The following ITPR2 variants were observed in gnomAD, a reference collection of about 807,000 sequenced individuals.
ITPR2 encodes the protein inositol 1,4,5-trisphosphate receptor type 2, also known as inositol 1,4,5-trisphosphate-gated calcium channel ITPR2.
Under a neutral mutation model 317.1 loss-of-function variants are expected in ITPR2, and 207 were observed. That is an observed-to-expected ratio of 0.65 (90% CI 0.58 to 0.73). The LOEUF (loss-of-function observed/expected upper bound fraction) is 0.73, where lower values mean the gene tolerates loss of function less well. Ranked by LOEUF, ITPR2 falls within the 30% of genes least tolerant of loss-of-function variation. The pLI, the probability that ITPR2 is intolerant of heterozygous loss-of-function variation, is 0.00. For synonymous variants in ITPR2, 1,156 were observed against 1,149.1 expected, an observed-to-expected ratio of 1.01 and a Z score of -0.12; for missense variants, 2,613 against 3,284.0, an observed-to-expected ratio of 0.80 and a Z score of 4.99.
At chr12:26,720,697 T>A (rs1385620330) in intron 5 of ITPR2, among the ~76,000 whole-genome samples, 1 of 152,188 alleles carries the variant, frequency 6.6e-6, no homozygotes, top group Non-Finnish European at 1.5e-5. Context: ...AACTCCTGTA[T>A]TGCACTTAAC....
At chr12:26,677,685 G>T (rs913916973) in intron 13 of ITPR2, among the ~76,000 whole-genome samples, 2 of 152,144 alleles carry the variant, frequency 1.3e-5, no homozygotes, top group African/African-American at 2.4e-5. Flanking sequence ...AGATTAGATT[G>T]TTTCAAATCA....
intron 32 of ITPR2, among the ~76,000 whole-genome samples, chr12:26,580,595 T>C (rs1433291271): frequency 6.6e-6 from 1 of 152,096 alleles, no homozygotes; most frequent in East Asian, 1.9e-4. Flanking sequence ...TCACTCAAAT[T>C]GGAGGACACA....
chr12:26,669,928 A>AT (rs1270337263), intron 13 of ITPR2, among the ~76,000 whole-genome samples: 3 of 152,252 alleles, frequency 2.0e-5, no homozygotes, highest in African/African-American at 4.8e-5. Context: ...TCCTACGCCC[A>AT]TGGGGTCTCG....
Position 26,556,128 on chromosome 12 carries a change from A to T in ITPR2, c.4964+105T>A, listed in dbSNP as rs1944655374. 4.8e-6 allele frequency: 5 copies of T among 1,043,470 alleles called. No homozygotes were observed. In the South Asian group the frequency reaches 1.1e-4, roughly 23 times the overall value. The allele number at this position is 1,043,470 out of a possible 1,614,324, so 64.6% of individuals were successfully genotyped here. On this transcript the variant is annotated intron_variant, in intron 36 of 56. Coordinates refer to ENST00000381340, the MANE Select transcript of ITPR2 (RefSeq NM_002223.4). ...TTAACATGGATTTTAGACCTTTCGC[A>T]TACTTTGCGGACTGTCATTTTATAT...
intron 10 of ITPR2, among the ~76,000 whole-genome samples, chr12:26,687,600 A>C (rs1948153597): frequency 6.6e-6 from 1 of 152,154 alleles, no homozygotes; most frequent in Non-Finnish European, 1.5e-5. Flanking sequence ...CAGAACATTC[A>C]CTTGGAGTCC....
At chr12:26,451,365 TCACACACACACACACACACACA>T (rs57642539) in intron 45 of ITPR2, among the ~76,000 whole-genome samples, 2 of 136,324 alleles carry the variant, frequency 1.5e-5, no homozygotes, top group Non-Finnish European at 3.1e-5. Flanking sequence ...TTCTCTCATA[TCACACACACACACACACACACA>T]CACACACACA....
chr12:26,689,501 G>C (rs2136976974), intron 10 of ITPR2, among the ~76,000 whole-genome samples: 1 of 151,944 alleles, frequency 6.6e-6, no homozygotes, highest in Non-Finnish European at 1.5e-5. Flanking sequence ...AGGGAGGGAA[G>C]GATGGAGGGA....
intron 37 of ITPR2, among the ~76,000 whole-genome samples, chr12:26,508,388 C>T (rs941230719): frequency 6.6e-5 from 10 of 152,120 alleles, no homozygotes; most frequent in Non-Finnish European, 1.2e-4. Flanking sequence ...TGAAAACATA[C>T]AGAAATTTAG....
intron 37 of ITPR2, among the ~76,000 whole-genome samples, chr12:26,496,416 GTTC>G (rs1313543802): frequency 6.6e-6 from 1 of 152,104 alleles, no homozygotes; most frequent in Non-Finnish European, 1.5e-5. Flanking sequence ...ATTATCCTCA[GTTC>G]TTTTGTTGTG....
At chr12:26,749,271 A>T (rs1345576719) in intron 2 of ITPR2, among the ~76,000 whole-genome samples, 1 of 152,222 alleles carries the variant, frequency 6.6e-6, no homozygotes, top group East Asian at 1.9e-4. Context: ...CCAAAGCAAC[A>T]ACCACTCGGA....
chr12:26,367,949 C>T lies in ITPR2; in HGVS notation c.7857+19485G>A, dbSNP rs907136438. On this transcript the variant is annotated intron_variant, in intron 55 of 56. Coordinates refer to ENST00000381340, the MANE Select transcript of ITPR2 (RefSeq NM_002223.4). Reference sequence around the variant, plus strand: ...CTAAATCCAACTCGAGCCTCGACTACATTTTCTTTGTGATTTTCCCCTGCA... The same window carrying T: ...CTAAATCCAACTCGAGCCTCGACTATATTTTCTTTGTGATTTTCCCCTGCA... 2.0e-5 allele frequency among the ~76,000 whole-genome samples: 3 copies of T among 152,218 alleles called. No individual in the cohort carries two copies. In the East Asian group the frequency reaches 5.8e-4, roughly 29 times the overall value.
At chr12:26,566,631 C>T (rs567956970) in intron 34 of ITPR2, among the ~76,000 whole-genome samples, 1 of 152,218 alleles carries the variant, frequency 6.6e-6, no homozygotes, top group African/African-American at 2.4e-5. Flanking sequence ...ACACCAAAAA[C>T]ATGTACTAAT....
At chr12:26,697,063 A>G (rs1719454629) in intron 9 of ITPR2, among the ~76,000 whole-genome samples, 1 of 152,234 alleles carries the variant, frequency 6.6e-6, no homozygotes, top group Non-Finnish European at 1.5e-5. Flanking sequence ...GCAAAGGGGT[A>G]GGACACAGAA....
chr12:26,474,022 G>A (rs1164533518), intron 45 of ITPR2, among the ~76,000 whole-genome samples: 1 of 152,110 alleles, frequency 6.6e-6, no homozygotes, highest in Non-Finnish European at 1.5e-5. Flanking sequence ...AAACAATAGT[G>A]GTGTCTTTTG....
rs1475258656 is a variant in ITPR2, at chr12:26,602,358, A to G, written c.3678+12T>C. 6.3e-7 allele frequency: 1 copy of G among 1,592,152 alleles called. No homozygotes were observed. Among genetic ancestry groups the G allele is most frequent in the African/African-American group, 1.4e-5 (1 of 73,462 alleles). On this transcript the variant is annotated intron_variant, in intron 28 of 56. Transcript: ENST00000381340. ...ATAAAAAGCTAAAGAACAAAAAATA[A>G]CCAGGACTAACCTTTTCATAGGGTA... is the stretch of plus-strand genomic sequence containing the variant.
chr12:26,712,422 T>G (rs187713605), intron 8 of ITPR2, among the ~76,000 whole-genome samples: 1 of 152,182 alleles, frequency 6.6e-6, no homozygotes, highest in Non-Finnish European at 1.5e-5. Flanking sequence ...ATAATAATTA[T>G]GAAAATACTT....
At chr12:26,690,585 C>T (rs1346969408) in intron 10 of ITPR2, among the ~76,000 whole-genome samples, 1 of 152,136 alleles carries the variant, frequency 6.6e-6, no homozygotes, top group Non-Finnish European at 1.5e-5. Flanking sequence ...GGAGTTAATC[C>T]TCCTGCATTT....
At chr12:26,542,261 C>T (rs758730504) in intron 37 of ITPR2, among the ~76,000 whole-genome samples, 9 of 152,166 alleles carry the variant, frequency 5.9e-5, no homozygotes, top group Admixed American at 2.6e-4. Context: ...CACACTTAGG[C>T]AAATTTTATC....
Position 26,742,683 on chromosome 12 carries a change from G to A in ITPR2, c.164-16918C>T, listed in dbSNP as rs552595725. Among the ~76,000 whole-genome samples the A allele has an allele frequency of 1.4e-4, 22 of 151,982 alleles. 1 individual carries two copies. In the South Asian group the frequency reaches 3.7e-3, roughly 26 times the overall value. ...ACAAAAATTAGCCGGGAGTGGTGGC[G>A]GGTGCCTGTAATCCCAGCTACTCAG... On this transcript the variant is annotated intron_variant, in intron 2 of 56. Transcript: ENST00000381340.
Sources: allele counts gnomAD v4.1 joint callset (sites outside exome capture counted in the v4.1 genomes callset), GRCh38; gene constraint gnomAD v4.1.1; transcripts MANE v1.5; gene names NCBI Gene and HGNC (gene_info 2026-07-23, HGNC 2026-07-21).